Variants in TPM4 observed in about 807,000 individuals in gnomAD.
The protein encoded by TPM4 is tropomyosin alpha-4 chain.
TPM4 carries 17 observed loss-of-function variants against 35.8 expected under a neutral mutation model. The observed-to-expected ratio is 0.47, with a 90% CI of 0.32 to 0.71. TPM4 has a LOEUF of 0.71. Among genes scored for constraint, TPM4 ranks in the 30% least tolerant of loss-of-function variants. The probability of loss-of-function intolerance (pLI) is 0.03; values close to 1 mark genes in which losing one functional copy is unlikely to be tolerated. For synonymous variants in TPM4, 120 were observed against 122.9 expected, an observed-to-expected ratio of 0.98 and a Z score of 0.15; for missense variants, 240 against 320.9, an observed-to-expected ratio of 0.75 and a Z score of 1.93.
At chr19:16,076,477 G>T (rs1026225475), upstream of TPM4, 12 of 1,333,538 alleles carry the variant, frequency 9.0e-6, no homozygotes, top group African/African-American at 3.1e-5. Flanking sequence ...CAAAGGCTTG[G>T]GGGGCCGGGG....
upstream of TPM4, chr19:16,075,970 TG>T (rs1054811092): frequency 4.6e-6 from 7 of 1,528,466 alleles, no homozygotes; most frequent in Admixed American, 4.6e-5. Flanking sequence ...TTGTGAATAT[TG>T]GGGGGGACCG....
intron 2 of TPM4, among the ~76,000 whole-genome samples, chr19:16,069,742 TG>T (rs374621814): frequency 0.023 from 3,274 of 145,220 alleles, 118 homozygotes; most frequent in African/African-American, 0.079. Flanking sequence ...GTGTTTCTAT[TG>T]GGGGGTGTGT....
intron 1 of TPM4, 38 bp from the exon 2 acceptor site, chr19:16,081,875 G>C (rs1469106128): frequency 1.9e-6 from 3 of 1,547,816 alleles, no homozygotes; most frequent in East Asian, 4.6e-5. Context: ...TGGCTGGCCT[G>C]ATACTTCTTA....
upstream of TPM4, chr19:16,074,640 G>T (rs1290887174): frequency 1.3e-5 from 2 of 152,274 alleles, no homozygotes; most frequent in African/African-American, 4.8e-5. Context: ...CAGAAGACCT[G>T]GGCTCAAACC....
chr19:16,068,927 G>T (rs536588439), intron 2 of TPM4, among the ~76,000 whole-genome samples: 146 of 152,334 alleles, frequency 9.6e-4, no homozygotes, highest in African/African-American at 3.2e-3. Flanking sequence ...CTGTGTGTGG[G>T]ACGCTGCGTG....
intron 7 of TPM4, chr19:16,095,298 T>G (rs2090681157): frequency 3.9e-6 from 4 of 1,035,166 alleles, no homozygotes; most frequent in Non-Finnish European, 4.7e-6. Flanking sequence ...AGTACAAAGC[T>G]ATCAGCGAGG....
intron 7 of TPM4, among the ~76,000 whole-genome samples, chr19:16,094,468 G>A (rs567995402): frequency 7.2e-5 from 11 of 151,866 alleles, no homozygotes; most frequent in African/African-American, 2.2e-4. Context: ...CCTGGGAGGC[G>A]GAGGTTGCAG....
chr19:16,076,356 T>A, upstream of TPM4: 1 of 1,454,152 alleles, frequency 6.9e-7, no homozygotes, highest in Non-Finnish European at 9.0e-7. Flanking sequence ...GGTGCCGACG[T>A]CAGGCCCTCC....
intron 7 of TPM4, 55 bp downstream of exon 7, chr19:16,093,808 A>G (rs2090658796): frequency 1.3e-6 from 2 of 1,593,762 alleles, no homozygotes; most frequent in South Asian, 1.1e-5. Flanking sequence ...TCTGGGACAC[A>G]TCCACGGACA....
At chr19:16,097,462 C>T (rs2090715384) in intron 7 of TPM4, among the ~76,000 whole-genome samples, 1 of 151,914 alleles carries the variant, frequency 6.6e-6, no homozygotes, top group African/African-American at 2.4e-5. Flanking sequence ...TTAGTAGAGA[C>T]AGGGTTTCAC....
chr19:16,068,131 G>A (rs2090316675), intron 2 of TPM4, among the ~76,000 whole-genome samples: 1 of 151,494 alleles, frequency 6.6e-6, no homozygotes, highest in Non-Finnish European at 1.5e-5. Context: ...GTGTGTACGT[G>A]TGTGCGTGTT....
chr19:16,072,782 C>T (rs2090366852), upstream of TPM4, among the ~76,000 whole-genome samples: 1 of 151,988 alleles, frequency 6.6e-6, no homozygotes, highest in East Asian at 1.9e-4. Flanking sequence ...TGGCATGAGC[C>T]TGTAATCCCA....
chr19:16,095,459 C>G, intron 7 of TPM4: 6 of 1,024,940 alleles, frequency 5.9e-6, no homozygotes, highest in Non-Finnish European at 7.0e-6. Context: ...GAGCCTTCTT[C>G]TGATGTGTCT....
rs1454126214 is a variant in TPM4 at position 16,070,393 on chromosome 19, G to A, written c.114+2655G>A. Among the ~76,000 whole-genome samples the A allele has an allele frequency of 6.6e-6, 1 of 152,142 alleles. No homozygotes were observed. The highest frequency in any genetic ancestry group is 1.9e-4 in the East Asian group (1 of 5,194). ...CCACAATGTTTATCCACACCCCGAT[G>A]TCAACTGCCAAGCCCTGGGGAGCAT... On this transcript the variant is annotated intron_variant, in intron 2 of 2. Transcript: ENST00000589897. This position sits in a 1 kb window ranked among gnomAD's most constrained non-coding sequence, Gnocchi z 7.4.
intron 7 of TPM4, among the ~76,000 whole-genome samples, chr19:16,098,171 G>T (rs935341039): frequency 6.6e-6 from 1 of 152,068 alleles, no homozygotes; most frequent in East Asian, 1.9e-4. Flanking sequence ...GGCCGGGCAC[G>T]GTGGCTCACG....
At chr19:16,087,443 C>T (rs996860983) in intron 3 of TPM4, among the ~76,000 whole-genome samples, 3 of 151,836 alleles carry the variant, frequency 2.0e-5, no homozygotes, top group Admixed American at 6.6e-5. Context: ...CGGGCATGGT[C>T]GTGCATGCCT....
chr19:16,091,636 A>G (rs1354438583), intron 5 of TPM4, among the ~76,000 whole-genome samples: 1 of 152,094 alleles, frequency 6.6e-6, no homozygotes, highest in African/African-American at 2.4e-5. Context: ...CTAGCTGGGC[A>G]TGGTGGTGCA....
At position 16,082,125 on chromosome 19, in the gene TPM4, G is replaced by A. The variant is rs549639766; in HGVS notation, c.266+79G>A. 2.8e-5 allele frequency: 42 copies of A among 1,506,438 alleles called. No individual in the cohort carries two copies. In the African/African-American group the frequency reaches 5.4e-4, roughly 19 times the overall value. 93.3% of individuals were successfully genotyped at this position (1,506,438 alleles called of 1,614,324 possible). ...TCATGCTGCCGACCTCGCAGAGCTG[G>A]TGTGAAAGTAAACAAGGTCACAAGG... On this transcript the variant is annotated intron_variant, in intron 2 of 7. Transcript: ENST00000643579.
upstream of TPM4, chr19:16,076,434 G>A (rs1363701235): frequency 5.2e-6 from 7 of 1,346,356 alleles, no homozygotes; most frequent in Non-Finnish European, 6.6e-6. Context: ...CGGCCCGGGG[G>A]GCGGGGAGAG....
Sources: gnomAD v4.1 joint callset for allele counts (sites outside exome capture counted in the v4.1 genomes callset) on GRCh38, gnomAD v4.1.1 for gene constraint, Gnocchi (gnomAD v3.1) non-coding constraint, MANE v1.5 for transcripts, NCBI Gene and HGNC (gene_info 2026-07-23, HGNC 2026-07-21) for gene names.